The following PRDM5 variants were observed in gnomAD, a reference collection of about 807,000 sequenced individuals.
The protein encoded by PRDM5 is PR domain zinc finger protein 5.
A neutral mutation model predicts 81.2 loss-of-function variants in PRDM5; 56 were observed. The observed-to-expected ratio is 0.69, with a 90% CI of 0.56 to 0.86. The LOEUF (loss-of-function observed/expected upper bound fraction) is 0.86. Among genes scored for constraint, PRDM5 ranks in the 40% least tolerant of loss-of-function variants. PRDM5 has a pLI of 0.00. For synonymous variants in PRDM5, 267 were observed against 256.4 expected, an observed-to-expected ratio of 1.04 and a Z score of -0.39; for missense variants, 697 against 770.1, an observed-to-expected ratio of 0.91 and a Z score of 1.12.
At chr4:120,885,134 C>CAAAAAAAAAAAAAAAAAAAA (rs60623556) in intron 2 of PRDM5, among the ~76,000 whole-genome samples, 2 of 50,700 alleles carry the variant, frequency 3.9e-5, no homozygotes, top group Non-Finnish European at 8.2e-5. Flanking sequence ...GACTCCGTAT[C>CAAAAAAAAAAAAAAAAAAAA]AAAAAAAAAA....
At chr4:120,901,620 G>T (rs962313086) in intron 2 of PRDM5, among the ~76,000 whole-genome samples, 7 of 152,160 alleles carry the variant, frequency 4.6e-5, no homozygotes, top group African/African-American at 1.7e-4. Flanking sequence ...ATTTGTTTTG[G>T]TTTTGTCCTA....
intron 13 of PRDM5, among the ~76,000 whole-genome samples, chr4:120,774,659 A>G (rs1232095091): frequency 6.6e-6 from 1 of 152,146 alleles, no homozygotes; most frequent in East Asian, 1.9e-4. Flanking sequence ...AACCACTTCC[A>G]ACACAACCCC....
At chr4:120,704,987 G>C (rs79458525) in intron 15 of PRDM5, among the ~76,000 whole-genome samples, 2,584 of 152,238 alleles carry the variant, frequency 0.017, 34 homozygotes, top group Non-Finnish European at 0.028. Flanking sequence ...AACAAATCCT[G>C]GAAATCATGG....
chr4:120,875,118 C>T (rs539003846), intron 2 of PRDM5, among the ~76,000 whole-genome samples: 1 of 152,304 alleles, frequency 6.6e-6, no homozygotes, highest in African/African-American at 2.4e-5. Flanking sequence ...GATGAACTGG[C>T]TAGGATATTT....
chr4:120,810,416 G>C (rs1753667790), intron 8 of PRDM5: 1 of 152,044 alleles, frequency 6.6e-6, no homozygotes, highest in Non-Finnish European at 1.5e-5. Context: ...ACCTATAAAA[G>C]GGTCCTCTGG....
intron 15 of PRDM5, among the ~76,000 whole-genome samples, chr4:120,708,896 T>A (rs1736566283): frequency 6.6e-6 from 1 of 152,142 alleles, no homozygotes; most frequent in African/African-American, 2.4e-5. Flanking sequence ...AGTTCTATAC[T>A]GAGCAGTCTG....
At position 120,824,564 on chromosome 4, in the gene PRDM5, T is replaced by A. The variant is rs145622426; in HGVS notation, c.301-3219A>T. 8.7e-4 allele frequency among the ~76,000 whole-genome samples: 132 copies of A among 152,314 alleles called. No homozygotes were observed. In the East Asian group the frequency reaches 0.023, roughly 27 times the overall value. On this transcript the variant is annotated intron_variant, in intron 3 of 15. Transcript: ENST00000264808. ...AGCATTATAATTTGAATACAACATA[T>A]TTATAGAATGAATGGTTTTACAATT...
chr4:120,878,335 G>A (rs1762524451), intron 2 of PRDM5, among the ~76,000 whole-genome samples: 1 of 152,178 alleles, frequency 6.6e-6, no homozygotes, highest in South Asian at 2.1e-4. Flanking sequence ...TCAACAAATG[G>A]TGTTGGAACT....
In PRDM5 at chr4:120,722,229, C is replaced by T. The variant is rs367807195; in HGVS notation, c.1624-11816G>A. Reference sequence around the variant, plus strand: ...CTTTCTGCTCATCCACCCACTCCCTCGAACCTCAGCACGGATCAGAACCTG... The same window carrying T: ...CTTTCTGCTCATCCACCCACTCCCTTGAACCTCAGCACGGATCAGAACCTG... On this transcript the variant is annotated intron_variant, in intron 14 of 15. Transcript: ENST00000264808. 1.6e-3 allele frequency among the ~76,000 whole-genome samples: 245 copies of T among 152,252 alleles called. 2 individuals carry two copies. The South Asian group carries it at 0.048, about 30-fold the overall frequency.
chr4:120,782,398 T>G (rs1749166579), intron 11 of PRDM5, among the ~76,000 whole-genome samples: 1 of 151,772 alleles, frequency 6.6e-6, no homozygotes, highest in African/African-American at 2.4e-5. Context: ...TAGCACTAAA[T>G]TTAGAAATAT....
downstream of PRDM5, among the ~76,000 whole-genome samples, chr4:120,689,013 AC>A (rs1378080700): frequency 7.9e-5 from 12 of 151,860 alleles, no homozygotes; most frequent in African/African-American, 2.7e-4. Flanking sequence ...CCATCCATAT[AC>A]CCCCTTTATC....
intron 10 of PRDM5, 34 bp downstream of exon 10, chr4:120,798,233 C>T (rs1448730398): frequency 7.0e-7 from 1 of 1,434,190 alleles, no homozygotes; most frequent in Non-Finnish European, 9.4e-7. Context: ...GCAGCAAATT[C>T]ATAAAAAATA....
At chr4:120,810,428 T>C (rs962347071) in intron 8 of PRDM5, 3 of 152,108 alleles carry the variant, frequency 2.0e-5, no homozygotes, top group African/African-American at 7.2e-5. Flanking sequence ...GTCCTCTGGA[T>C]TGGCATTCTG....
intron 8 of PRDM5, among the ~76,000 whole-genome samples, chr4:120,808,431 G>T (rs1213653579): frequency 6.6e-6 from 1 of 152,122 alleles, no homozygotes; most frequent in Non-Finnish European, 1.5e-5. Flanking sequence ...GGTGCTGATT[G>T]GTGTGTTTAT....
At chr4:120,702,271 TGTAAG>T (rs1394470567) in intron 15 of PRDM5, among the ~76,000 whole-genome samples, 3 of 152,196 alleles carry the variant, frequency 2.0e-5, no homozygotes, top group African/African-American at 7.2e-5. Flanking sequence ...TTTTGCTACT[TGTAAG>T]GTAATCACTG....
intron 3 of PRDM5, chr4:120,837,239 C>T (rs937599387): frequency 1.2e-4 from 18 of 152,128 alleles, no homozygotes; most frequent in African/African-American, 4.3e-4. Flanking sequence ...TGCAAAATTT[C>T]AATAATTTGA....
intron 11 of PRDM5, among the ~76,000 whole-genome samples, chr4:120,783,195 T>C (rs1749288215): frequency 6.6e-6 from 1 of 152,118 alleles, no homozygotes; most frequent in Admixed American, 6.6e-5. Context: ...TAGTATTTTG[T>C]CCTCCCTATT....
chr4:120,830,284 C>T (rs1018576899), intron 3 of PRDM5, among the ~76,000 whole-genome samples: 1 of 151,980 alleles, frequency 6.6e-6, no homozygotes, highest in African/African-American at 2.4e-5. Flanking sequence ...TTGCACTAAC[C>T]GATGAAATGT....
At chr4:120,778,828 G>A (rs1224013807) in intron 12 of PRDM5, among the ~76,000 whole-genome samples, 5 of 152,046 alleles carry the variant, frequency 3.3e-5, no homozygotes, top group African/African-American at 1.2e-4. Context: ...ATTTCAGTAA[G>A]AGCCTTTACT....
Sources: gnomAD v4.1 joint callset for allele counts (sites outside exome capture counted in the v4.1 genomes callset) on GRCh38, gnomAD v4.1.1 for gene constraint, MANE v1.5 for transcripts, NCBI Gene and HGNC (gene_info 2026-07-23, HGNC 2026-07-21) for gene names.